PTPRD: variants seen among roughly 807,000 people sequenced by gnomAD.
PTPRD encodes protein tyrosine phosphatase receptor type D, also known as receptor-type tyrosine-protein phosphatase delta.
In PTPRD, 34 loss-of-function variants were observed where a neutral mutation model predicts 214.5. The ratio of observed to expected loss-of-function variants is 0.16; its 90% CI spans 0.12 to 0.21. PTPRD has a LOEUF of 0.21. Ranked by LOEUF, PTPRD falls within the 10% of genes least tolerant of loss-of-function variation. The pLI is 1.00. For missense variants in PTPRD, 2,545 were observed against 2,398.7 expected, an observed-to-expected ratio of 1.06 and a Z score of -1.27; for synonymous variants, 1,128 against 845.7, an observed-to-expected ratio of 1.33 and a Z score of -5.79.
intron 9 of PTPRD, among the ~76,000 whole-genome samples, chr9:9,264,788 G>C (rs1202829912): frequency 6.6e-6 from 1 of 151,042 alleles, no homozygotes; most frequent in Non-Finnish European, 1.5e-5. Context: ...AGCAGCAAGA[G>C]AATTGTGTAT....
At chr9:10,291,613 G>A (rs1441454700) in intron 3 of PTPRD, among the ~76,000 whole-genome samples, 1 of 150,648 alleles carries the variant, frequency 6.6e-6, no homozygotes, top group African/African-American at 2.5e-5. Context: ...GAGGCCCTAA[G>A]CCAAGAAACG....
intron 5 of PTPRD, among the ~76,000 whole-genome samples, chr9:9,780,203 C>T (rs2098832192): frequency 6.6e-6 from 1 of 152,022 alleles, no homozygotes. Context: ...GGGAGCTAAA[C>T]ATTGAACACA....
intron 2 of PTPRD, among the ~76,000 whole-genome samples, chr9:10,588,427 T>TATACACACACACACACAC (rs1555573786): frequency 6.8e-6 from 1 of 146,610 alleles, no homozygotes; most frequent in South Asian, 2.2e-4. Context: ...TGGCTTATTG[T>TATACACACACACACACAC]ACACACACAC....
intron 2 of PTPRD, among the ~76,000 whole-genome samples, chr9:10,453,945 C>A (rs941078546): frequency 6.6e-6 from 1 of 151,402 alleles, no homozygotes; most frequent in African/African-American, 2.4e-5. Flanking sequence ...TCATATATGG[C>A]CTTTATCATG....
intron 10 of PTPRD, among the ~76,000 whole-genome samples, chr9:9,183,031 C>A (rs1353950518): frequency 2.0e-5 from 3 of 151,938 alleles, no homozygotes; most frequent in African/African-American, 4.8e-5. Flanking sequence ...GATTTCCCCC[C>A]ACGTTCAGGC....
At chr9:10,211,607 T>C (rs1379998032) in intron 3 of PTPRD, among the ~76,000 whole-genome samples, 2 of 152,156 alleles carry the variant, frequency 1.3e-5, no homozygotes, top group East Asian at 3.9e-4. Context: ...TCGTTAAAGA[T>C]ACAATGAGCC....
At chr9:10,596,724 G>A (rs778130904) in intron 2 of PTPRD, among the ~76,000 whole-genome samples, 34 of 151,562 alleles carry the variant, frequency 2.2e-4, no homozygotes, top group Non-Finnish European at 4.4e-4. Context: ...GGAAGTTAAA[G>A]AGAAGAAATT....
intron 2 of PTPRD, among the ~76,000 whole-genome samples, chr9:10,351,829 AT>A (rs1373849862): frequency 6.6e-6 from 1 of 152,074 alleles, no homozygotes; most frequent in African/African-American, 2.4e-5. Flanking sequence ...TAATAGACAC[AT>A]TCATTTCCCA....
intron 3 of PTPRD, among the ~76,000 whole-genome samples, chr9:10,150,321 C>T (rs1006171817): frequency 6.6e-6 from 1 of 152,096 alleles, no homozygotes; most frequent in African/African-American, 2.4e-5. Flanking sequence ...CCACGGAATA[C>T]TATGCAGCCA....
At chr9:9,961,100 G>C (rs893541762) in intron 4 of PTPRD, among the ~76,000 whole-genome samples, 2 of 151,936 alleles carry the variant, frequency 1.3e-5, no homozygotes, top group Admixed American at 1.3e-4. Flanking sequence ...TTTCAAATAT[G>C]AATTACAACT....
intron 2 of PTPRD, among the ~76,000 whole-genome samples, chr9:10,360,899 G>A (rs2097369446): frequency 6.6e-6 from 1 of 152,042 alleles, no homozygotes; most frequent in South Asian, 2.1e-4. Context: ...TCAGGAGATC[G>A]AGGCCATCCT....
chr9:10,380,015 G>T (rs543738467), intron 2 of PTPRD, among the ~76,000 whole-genome samples: 7 of 152,064 alleles, frequency 4.6e-5, no homozygotes, highest in African/African-American at 1.4e-4. Context: ...GCTAGAATGC[G>T]GTGGCACAAG....
At chr9:10,090,762 A>T (rs1300381546) in intron 3 of PTPRD, among the ~76,000 whole-genome samples, 3 of 147,750 alleles carry the variant, frequency 2.0e-5, no homozygotes, top group Non-Finnish European at 4.5e-5. Context: ...TCAGAAATAG[A>T]ATAGCATATT....
At chr9:8,327,842 C>A (rs958327452) in intron 44 of PTPRD, among the ~76,000 whole-genome samples, 1 of 152,118 alleles carries the variant, frequency 6.6e-6, no homozygotes, top group Non-Finnish European at 1.5e-5. Context: ...GTATCCCCTG[C>A]TTTGTTTTGC....
intron 10 of PTPRD, among the ~76,000 whole-genome samples, chr9:9,029,366 G>A (rs888590354): frequency 2.0e-5 from 3 of 151,772 alleles, no homozygotes; most frequent in Non-Finnish European, 4.4e-5. Flanking sequence ...AGGGGCTAGA[G>A]ATTAGAAATT....
intron 11 of PTPRD, among the ~76,000 whole-genome samples, chr9:8,901,207 C>T (rs555833858): frequency 3.9e-5 from 6 of 152,234 alleles, no homozygotes; most frequent in East Asian, 3.9e-4. Flanking sequence ...GTGTATACCA[C>T]GACACAAATC....
chr9:9,341,535 C>G (rs1004230728), intron 9 of PTPRD, among the ~76,000 whole-genome samples: 1 of 152,020 alleles, frequency 6.6e-6, no homozygotes. Flanking sequence ...GGACATCTGC[C>G]AATACTAGGA....
At chr9:9,112,756 ATGG>A (rs2099807848) in intron 10 of PTPRD, among the ~76,000 whole-genome samples, 1 of 152,194 alleles carries the variant, frequency 6.6e-6, no homozygotes, top group Non-Finnish European at 1.5e-5. Flanking sequence ...GAGAGAAATT[ATGG>A]GAAATCAGGG....
chr9:8,742,472 A>T (rs947499925), intron 11 of PTPRD, among the ~76,000 whole-genome samples: 1 of 152,226 alleles, frequency 6.6e-6, no homozygotes, highest in Non-Finnish European at 1.5e-5. Context: ...AAATCAAAAC[A>T]GGTTTTCTTA....
Sources: allele counts gnomAD v4.1 joint callset (sites outside exome capture counted in the v4.1 genomes callset), GRCh38; gene constraint gnomAD v4.1.1; transcripts MANE v1.5; gene names NCBI Gene and HGNC (gene_info 2026-07-23, HGNC 2026-07-21).